The following PGR variants were observed in gnomAD, a reference collection of about 807,000 sequenced individuals.
The protein encoded by PGR is nuclear receptor subfamily 3 group C member 3.
Under a neutral mutation model 76.1 loss-of-function variants are expected in PGR, and 25 were observed. The observed-to-expected ratio is 0.33, with a 90% confidence interval of 0.24 to 0.46. The LOEUF (loss-of-function observed/expected upper bound fraction) is 0.46. Among genes scored for constraint, PGR ranks in the 20% least tolerant of loss-of-function variants. The probability of loss-of-function intolerance (pLI) is 1.00; values close to 1 mark genes in which losing one functional copy is unlikely to be tolerated. For synonymous variants in PGR, 579 were observed against 535.0 expected, an observed-to-expected ratio of 1.08 and a Z score of -1.14; for missense variants, 1,172 against 1,225.3, an observed-to-expected ratio of 0.96 and a Z score of 0.65.
chr11:101,110,059 T>A (rs999864891), intron 2 of PGR, among the ~76,000 whole-genome samples: 17 of 152,322 alleles, frequency 1.1e-4, no homozygotes, highest in African/African-American at 3.8e-4. Flanking sequence ...AAGCCCACTG[T>A]TGAGACCTAC....
intron 2 of PGR, among the ~76,000 whole-genome samples, chr11:101,108,841 T>C (rs774972545): frequency 2.6e-5 from 4 of 152,242 alleles, no homozygotes; most frequent in Non-Finnish European, 5.9e-5. Flanking sequence ...TCACAAATAT[T>C]GTATGTTTTA....
chr11:101,078,212 G>A (rs1028756949), intron 3 of PGR, among the ~76,000 whole-genome samples: 1 of 152,074 alleles, frequency 6.6e-6, no homozygotes, highest in African/African-American at 2.4e-5. Context: ...GGGGGAGAAG[G>A]AGAGAAACTG....
intron 3 of PGR, 47 bp downstream of exon 3, chr11:101,091,713 A>G (rs1329388036): frequency 1.0e-6 from 1 of 958,292 alleles, no homozygotes; most frequent in South Asian, 1.3e-5. Flanking sequence ...ACAGTTTTAT[A>G]GTATAAAGAT....
chr11:101,085,543 A>C (rs1050786783), intron 3 of PGR, among the ~76,000 whole-genome samples: 2 of 148,966 alleles, frequency 1.3e-5, no homozygotes, highest in African/African-American at 4.9e-5. Flanking sequence ...AAAAAAAAAA[A>C]AAAAAAACAA....
At chr11:101,078,396 G>A (rs1369903129) in intron 3 of PGR, among the ~76,000 whole-genome samples, 11 of 152,184 alleles carry the variant, frequency 7.2e-5, no homozygotes, top group Admixed American at 7.2e-4. Flanking sequence ...TTTTGAAAGA[G>A]CTAATTACCT....
Position 101,038,788 on chromosome 11 carries a change from T to C in PGR, c.*328A>G, listed in dbSNP as rs897988867. 3 of 260,362 alleles carry C rather than the reference T, an allele frequency of 1.2e-5. No homozygotes were observed. The highest frequency in any genetic ancestry group is 2.2e-5 in the African/African-American group (1 of 45,568). 16.1% of individuals were successfully genotyped at this position (260,362 alleles called of 1,614,324 possible). On this transcript the variant is annotated 3_prime_UTR_variant, in exon 8 of 8. Coordinates refer to ENST00000325455, the MANE Select transcript of PGR (RefSeq NM_000926.4). ...TGTAAGATTTTTTCTCTTAAGTCGA[T>C]GATTTGTTAGATGCAAAAGTTAAAA...
intron 3 of PGR, among the ~76,000 whole-genome samples, chr11:101,070,667 G>A (rs1316519869): frequency 6.6e-6 from 1 of 152,212 alleles, no homozygotes; most frequent in African/African-American, 2.4e-5. Flanking sequence ...ACTGAGGCTT[G>A]AGTAGGCAGT....
At chr11:101,070,536 T>A (rs1199105897) in intron 3 of PGR, among the ~76,000 whole-genome samples, 2 of 152,186 alleles carry the variant, frequency 1.3e-5, no homozygotes, top group Admixed American at 6.5e-5. Context: ...GCTCAGCAGA[T>A]ACCATCCCCA....
intron 2 of PGR, among the ~76,000 whole-genome samples, chr11:101,097,934 G>A (rs1405006843): frequency 2.6e-5 from 4 of 151,860 alleles, no homozygotes; most frequent in African/African-American, 7.2e-5. Flanking sequence ...CCACCACCAC[G>A]TCTGGCTAAT....
intron 2 of PGR, among the ~76,000 whole-genome samples, chr11:101,113,688 T>A (rs1862414711): frequency 6.6e-6 from 1 of 152,172 alleles, no homozygotes; most frequent in Admixed American, 6.5e-5. Flanking sequence ...ACTTAAGGGT[T>A]GGGAGGTAGC....
Position 101,054,940 on chromosome 11 carries a change from T to TA in PGR, c.2213-3373dup, listed in dbSNP as rs962675720. On this transcript the variant is annotated intron_variant, in intron 4 of 7. Coordinates refer to ENST00000325455, the MANE Select transcript of PGR (RefSeq NM_000926.4). ...TCTCTAATACTAAAACACAATGCCA[T>TA]AAAAAAAAGTGTTAGGAGGCATTTT... 2.6e-3 allele frequency among the ~76,000 whole-genome samples: 389 copies of TA among 151,318 alleles called. 2 individuals are homozygous for TA. Among genetic ancestry groups the TA allele is most frequent in the African/African-American group, 9.1e-3 (374 of 41,298 alleles).
At chr11:101,122,704 G>T (rs1268492784) in intron 2 of PGR, among the ~76,000 whole-genome samples, 1 of 152,082 alleles carries the variant, frequency 6.6e-6, no homozygotes, top group Non-Finnish European at 1.5e-5. Context: ...TTCCTGAGTG[G>T]TATCTTATTT....
intron 2 of PGR, among the ~76,000 whole-genome samples, chr11:101,095,732 G>A (rs778622057): frequency 7.9e-5 from 12 of 152,212 alleles, no homozygotes; most frequent in Admixed American, 2.0e-4. Flanking sequence ...ACAAGCTCAT[G>A]TAAGAGCTTA....
At chr11:101,051,616 A>T (rs567154248) in intron 4 of PGR, 48 bp from the exon 5 acceptor site, 1 of 1,386,656 alleles carries the variant, frequency 7.2e-7, no homozygotes, top group South Asian at 1.2e-5. Context: ...TGACTGAATT[A>T]TCTCAAAAAT....
At chr11:101,086,568 C>T (rs582742) in intron 3 of PGR, among the ~76,000 whole-genome samples, 37,212 of 151,864 alleles carry the variant, frequency 0.25, 5,687 homozygotes, top group Non-Finnish European at 0.35. Context: ...CCTGTTAACA[C>T]TGGAAGTGCT....
rs751228599 is a variant in PGR at position 101,057,407 on chromosome 11, C to T, written c.2212+5040G>A. Among the ~76,000 whole-genome samples the T allele has an allele frequency of 4.6e-5, 7 of 152,212 alleles. No individual in the cohort carries two copies. The South Asian group carries it at 8.3e-4, about 18-fold the overall frequency. ...GTGAAGAGGAATGATGAGAGATTAA[C>T]ACTGCAAATTCAGGAGCCAGATCAC... is the stretch of plus-strand genomic sequence containing the variant. On this transcript the variant is annotated intron_variant, in intron 4 of 7. Transcript: ENST00000325455.
chr11:101,106,644 G>A (rs1472325703), intron 2 of PGR, among the ~76,000 whole-genome samples: 1 of 152,190 alleles, frequency 6.6e-6, no homozygotes, highest in Non-Finnish European at 1.5e-5. Context: ...AACCATTGTG[G>A]AAGACAGTGC....
At chr11:101,101,540 T>C (rs1173213157) in intron 2 of PGR, among the ~76,000 whole-genome samples, 1 of 152,220 alleles carries the variant, frequency 6.6e-6, no homozygotes, top group Non-Finnish European at 1.5e-5. Flanking sequence ...CAATTCCTAA[T>C]GAAATGGCCA....
intron 2 of PGR, 42 bp from the exon 3 acceptor site, chr11:101,091,918 G>C (rs9282826): frequency 1.0e-6 from 1 of 990,136 alleles, no homozygotes; most frequent in Middle Eastern, 2.1e-4. Flanking sequence ...CAATATCTAA[G>C]ATTCACTGGA....
Sources: gnomAD v4.1 joint callset for allele counts (sites outside exome capture counted in the v4.1 genomes callset) on GRCh38, gnomAD v4.1.1 for gene constraint, MANE v1.5 for transcripts, NCBI Gene and HGNC (gene_info 2026-07-23, HGNC 2026-07-21) for gene names.